The following CATSPERE variants were observed in gnomAD, a reference collection of about 807,000 sequenced individuals.
The protein encoded by CATSPERE is catsper channel auxiliary subunit epsilon.
CATSPERE carries 93 observed loss-of-function variants against 114.1 expected under a neutral mutation model. The ratio of observed to expected loss-of-function variants is 0.81; its 90% confidence interval spans 0.69 to 0.97. The LOEUF (loss-of-function observed/expected upper bound fraction) is 0.97. CATSPERE is among the 50% of genes least tolerant of loss of function. The pLI is 0.00. For synonymous variants in CATSPERE, 341 were observed against 384.1 expected (o/e 0.89, Z 1.31); for missense variants, 1,058 against 1,131.6 (o/e 0.93, Z 0.93).
chr1:244,562,281 G>A (rs1662691168), intron 10 of CATSPERE, among the ~76,000 whole-genome samples: 1 of 151,748 alleles, frequency 6.6e-6, no homozygotes, highest in Non-Finnish European at 1.5e-5. Context: ...CATTTTAACT[G>A]CTGTGTATTG....
intron 15 of CATSPERE, among the ~76,000 whole-genome samples, chr1:244,592,907 G>A (rs551914870): frequency 6.6e-6 from 1 of 152,330 alleles, no homozygotes; most frequent in African/African-American, 2.4e-5. Context: ...CAGGGAATGT[G>A]GGGGAGGTGA....
chr1:244,624,494 A>T (rs1299356176), intron 20 of CATSPERE, among the ~76,000 whole-genome samples: 2 of 152,118 alleles, frequency 1.3e-5, no homozygotes, highest in Non-Finnish European at 2.9e-5. Flanking sequence ...CTTCACTAGG[A>T]TTAGATCTCA....
At chr1:244,621,095 A>ATATATATAAAAT (rs1672122719) in intron 20 of CATSPERE, among the ~76,000 whole-genome samples, 2 of 69,476 alleles carry the variant, frequency 2.9e-5, no homozygotes, top group African/African-American at 1.1e-4. Context: ...ATATATATAA[A>ATATATATAAAAT]ATATATATAA....
chr1:244,464,666 T>C (rs1667316642), intron 2 of CATSPERE, among the ~76,000 whole-genome samples: 1 of 152,176 alleles, frequency 6.6e-6, no homozygotes, highest in Non-Finnish European at 1.5e-5. Flanking sequence ...TTTGGTGTTA[T>C]TAAATTTCCT....
Position 244,479,028 on chromosome 1 carries a change from C to CAAA in CATSPERE, c.259-666_259-664dup, listed in dbSNP as rs1161485991. 2.9e-3 allele frequency among the ~76,000 whole-genome samples: 139 copies of CAAA among 47,346 alleles called. 2 individuals carry two copies. The highest frequency in any genetic ancestry group is 5.3e-3 in the African/African-American group (60 of 11,302). 31.1% of individuals were successfully genotyped at this position (47,346 alleles called of 152,430 possible). On this transcript the variant is annotated intron_variant, in intron 4 of 21. Coordinates refer to ENST00000366534, the MANE Select transcript of CATSPERE (RefSeq NM_001130957.2). ...GGGGGACAAGAGCCAAACTTCGTCT[C>CAAA]AAAAAAAAAAAAAAAAAAAAAAAAA...
Position 244,461,566 on chromosome 1 carries a change from G to C in CATSPERE, c.65+72G>C, listed in dbSNP as rs562864153. 22 of 1,205,576 alleles carry C rather than the reference G, an allele frequency of 1.8e-5. No homozygotes were observed. In the South Asian group the frequency reaches 6.7e-4, roughly 36 times the overall value. The allele number at this position is 1,205,576 out of a possible 1,614,324, so 74.7% of individuals were successfully genotyped here. A position where few individuals can be genotyped will look rare whatever the true frequency, so the allele number is the denominator to read the frequency against. ...CCGGCGGGGCAGGCGGGAGGGTCCT[G>C]CTCTCCACCCCATGCGCCTCGGGAC... On this transcript the variant is annotated intron_variant, in intron 1 of 21. Transcript: ENST00000366534.
At chr1:244,515,975 C>T (rs1052442863) in intron 7 of CATSPERE, among the ~76,000 whole-genome samples, 24 of 151,730 alleles carry the variant, frequency 1.6e-4, no homozygotes, top group African/African-American at 5.8e-4. Flanking sequence ...AGGAGGATTG[C>T]CTGAGCCCAG....
rs1269202187 is a variant in CATSPERE, at chr1:244,591,699, T to C, written c.2157T>C (p.Cys719=). 2.0e-6 allele frequency: 3 copies of C among 1,516,016 alleles called. No individual in the cohort carries two copies. In the Middle Eastern group the frequency reaches 5.1e-4, roughly 259 times the overall value. The allele number at this position is 1,516,016 out of a possible 1,614,324, so 93.9% of individuals were successfully genotyped here. Residue 719 remains cysteine, a synonymous_variant, in exon 15 of 22, where the codon TGT becomes TGC. Coordinates refer to ENST00000366534, the MANE Select transcript of CATSPERE (RefSeq NM_001130957.2). ...TTTGTAGATTTAGTAAAAAAGGATG[T>C]CATCACCATGATTTTTCATACGTGA... ...IAIKGFSKKG[C]HHHDFSYVIE...
At chr1:244,611,278 T>A (rs1398036555) in intron 19 of CATSPERE, among the ~76,000 whole-genome samples, 1 of 151,974 alleles carries the variant, frequency 6.6e-6, no homozygotes, top group African/African-American at 2.4e-5. Flanking sequence ...TTATAAAGAG[T>A]ACTTTTCTAC....
intron 8 of CATSPERE, among the ~76,000 whole-genome samples, chr1:244,534,264 G>A (rs1179774315): frequency 6.6e-6 from 1 of 151,998 alleles, no homozygotes; most frequent in South Asian, 2.1e-4. Flanking sequence ...AACTCTGCTT[G>A]GTGTTCTGTA....
intron 20 of CATSPERE, among the ~76,000 whole-genome samples, chr1:244,632,130 T>C (rs756733911): frequency 3.9e-5 from 6 of 152,072 alleles, no homozygotes; most frequent in Non-Finnish European, 8.8e-5. Flanking sequence ...GTGTGGTGGC[T>C]CACGCCTGTA....
intron 7 of CATSPERE, chr1:244,515,217 C>T: frequency 2.4e-6 from 1 of 422,476 alleles, no homozygotes; most frequent in Non-Finnish European, 3.2e-6. Context: ...GTCAATTCCT[C>T]AAGCATAGTA....
intron 9 of CATSPERE, among the ~76,000 whole-genome samples, chr1:244,553,821 C>CTCCCACGCACCCCTCTCCT (rs1398619061): frequency 6.6e-6 from 1 of 152,040 alleles, no homozygotes; most frequent in African/African-American, 2.4e-5. Context: ...TTTATACTCC[C>CTCCCACGCACCCCTCTCCT]TCCCACGCAC....
At chr1:244,591,382 G>T (rs957716603) in intron 14 of CATSPERE, among the ~76,000 whole-genome samples, 3 of 152,142 alleles carry the variant, frequency 2.0e-5, no homozygotes, top group African/African-American at 4.8e-5. Context: ...AATTGAAATT[G>T]TCTATCTTTT....
intron 20 of CATSPERE, among the ~76,000 whole-genome samples, chr1:244,626,655 T>G (rs1673242621): frequency 6.6e-6 from 1 of 152,168 alleles, no homozygotes; most frequent in African/African-American, 2.4e-5. Context: ...CTGCTTTGCC[T>G]TGTAATTTTA....
intron 1 of CATSPERE, chr1:244,454,706 T>C (rs1273518376): frequency 6.6e-6 from 1 of 151,972 alleles, no homozygotes; most frequent in African/African-American, 2.4e-5. Flanking sequence ...GTTTGATAAA[T>C]GGAAAAAAGG....
At position 244,610,259 on chromosome 1, in the gene CATSPERE, C is replaced by T; in HGVS notation, c.2423C>T (p.Ala808Val). 6.2e-7 allele frequency: 1 copy of T among 1,610,514 alleles called. No homozygotes were observed. The highest frequency in any genetic ancestry group is 8.5e-7 in the Non-Finnish European group (1 of 1,178,292). The change falls in exon 19 of 22, where the codon GCA (alanine) becomes GTA (valine). Residue 808 changes from alanine to valine, a missense_variant. Ala to Val is a moderately conservative substitution (Grantham distance 64, BLOSUM62 0). Around this residue, in one of 2 missense-constraint regions of CATSPERE, gnomAD observed 787 missense variants for 905.6 expected, o/e 0.87. Transcript: ENST00000366534. ...TMAQSGCLHE[A>V]QTWKSMIELN... ...TGACAGAGTGGTTGTTTACATGAAGCACAGACATGGAAGTCAATGATTGAA... is the reference window on the plus strand; with the variant it reads ...TGACAGAGTGGTTGTTTACATGAAGTACAGACATGGAAGTCAATGATTGAA...
At chr1:244,538,261 A>G (rs1158900540) in intron 8 of CATSPERE, among the ~76,000 whole-genome samples, 1 of 152,246 alleles carries the variant, frequency 6.6e-6, no homozygotes, top group Non-Finnish European at 1.5e-5. Context: ...ACGTTTATTT[A>G]TCTCTATTCT....
chr1:244,614,221 G>A (rs533892141), intron 19 of CATSPERE, among the ~76,000 whole-genome samples: 2 of 152,316 alleles, frequency 1.3e-5, no homozygotes, highest in African/African-American at 4.8e-5. Context: ...AGCACAGGTC[G>A]CTCAAGCTGT....
Sources: gnomAD v4.1 joint callset for allele counts (sites outside exome capture counted in the v4.1 genomes callset) on GRCh38, gnomAD v4.1.1 for gene constraint, gnomAD v4.1.1 regional missense constraint, MANE v1.5 for transcripts, NCBI Gene and HGNC (gene_info 2026-07-23, HGNC 2026-07-21) for gene names.